The following LIPI variants were observed in gnomAD, a reference collection of about 807,000 sequenced individuals.
LIPI encodes lipase member I.
A neutral mutation model predicts 50.6 loss-of-function variants in LIPI; 59 were observed. The observed-to-expected ratio is 1.16, with a 90% CI of 0.94 to 1.45. The LOEUF is 1.45. Among genes scored for constraint, LIPI ranks in the 40% most tolerant of loss-of-function variants. The pLI is 0.00. For missense variants in LIPI, 586 were observed against 536.3 expected, an observed-to-expected ratio of 1.09 and a Z score of -0.92; for synonymous variants, 203 against 178.2, an observed-to-expected ratio of 1.14 and a Z score of -1.11.
At chr21:14,116,104 G>A (rs558145230) in intron 9 of LIPI, among the ~76,000 whole-genome samples, 27 of 152,208 alleles carry the variant, frequency 1.8e-4, no homozygotes, top group African/African-American at 6.3e-4. Flanking sequence ...AGTGGTGTGT[G>A]TATGTGTGTG....
rs1336499972 is a variant in LIPI, at chr21:14,115,851, G to T, written c.1296-6771C>A. Among the ~76,000 whole-genome samples, 3 of 152,144 alleles carry T rather than the reference G, an allele frequency of 2.0e-5. No individual in the cohort carries two copies. In the East Asian group the frequency reaches 5.8e-4, roughly 29 times the overall value. ...AGGGAACGACCACTTATCCAACCCA[G>T]AGTAGCTGGGTGCAGCAGGAGTGGC... is the stretch of plus-strand genomic sequence containing the variant. On this transcript the variant is annotated intron_variant, in intron 9 of 9. Transcript: ENST00000681601.
In LIPI at chr21:14,165,461, G is replaced by A. The variant is rs546295944; in HGVS notation, c.734-71C>T. 37 of 1,186,964 alleles carry A rather than the reference G, an allele frequency of 3.1e-5. No homozygotes were observed. In the South Asian group the frequency reaches 4.8e-4, roughly 16 times the overall value. The allele number at this position is 1,186,964 out of a possible 1,614,324, so 73.5% of individuals were successfully genotyped here. A position where few individuals can be genotyped will look rare whatever the true frequency, so the allele number is the denominator to read the frequency against. ...ATGTTCAAGTACATTTAAAAACAAA[G>A]TAAAGATGAAGTTTTGCTAAATACT... is the stretch of plus-strand genomic sequence containing the variant. On this transcript the variant is annotated intron_variant, in intron 5 of 9. Coordinates refer to ENST00000681601, the MANE Select transcript of LIPI (RefSeq NM_001302998.2).
At chr21:14,136,048 A>T (rs981948023) in intron 9 of LIPI, among the ~76,000 whole-genome samples, 1 of 152,132 alleles carries the variant, frequency 6.6e-6, no homozygotes, top group East Asian at 1.9e-4. Context: ...CCTAGAAAAC[A>T]TTTCTAGACA....
Position 14,201,612 on chromosome 21 carries a change from A to G in LIPI, c.46+9188T>C, listed in dbSNP as rs541625188. Among the ~76,000 whole-genome samples the G allele has an allele frequency of 3.3e-5, 5 of 152,310 alleles. No homozygotes were observed. The East Asian group carries it at 9.7e-4, about 29-fold the overall frequency. Reference sequence around the variant, plus strand: ...TATGATTATCTCAGTAGATGCAGAAAAGGCCTTTGACAAAATTCAACAACC... The same window carrying G: ...TATGATTATCTCAGTAGATGCAGAAGAGGCCTTTGACAAAATTCAACAACC... On this transcript the variant is annotated intron_variant, in intron 1 of 9. Transcript: ENST00000681601.
intron 6 of LIPI, 90 bp downstream of exon 6, chr21:14,165,133 A>G (rs1310428098): frequency 1.1e-6 from 1 of 936,238 alleles, no homozygotes; most frequent in Non-Finnish European, 1.7e-6. Context: ...AAGTAAACAG[A>G]GTGCACAGTT....
At chr21:14,165,613 ATAAT>A (rs1261690293) in intron 5 of LIPI, among the ~76,000 whole-genome samples, 7 of 152,204 alleles carry the variant, frequency 4.6e-5, no homozygotes, top group African/African-American at 1.2e-4. Flanking sequence ...TTTTAAAGTA[ATAAT>A]TAACATAGCA....
intron 9 of LIPI, among the ~76,000 whole-genome samples, chr21:14,138,023 G>T (rs941999875): frequency 6.6e-6 from 1 of 152,042 alleles, no homozygotes; most frequent in Non-Finnish European, 1.5e-5. Flanking sequence ...TATTTTTCAA[G>T]CATGAAGAAG....
intron 8 of LIPI, among the ~76,000 whole-genome samples, chr21:14,149,936 A>G (rs1450838040): frequency 6.6e-6 from 1 of 152,148 alleles, no homozygotes; most frequent in Non-Finnish European, 1.5e-5. Context: ...CTGTCAGTGG[A>G]TCTACCAATC....
chr21:14,210,008 A>G (rs1193363101), intron 1 of LIPI, among the ~76,000 whole-genome samples: 1 of 152,048 alleles, frequency 6.6e-6, no homozygotes, highest in East Asian at 1.9e-4. Flanking sequence ...TTGAAAACAT[A>G]AGAAATAATG....
At chr21:14,172,416 C>A (rs1156842716) in intron 4 of LIPI, among the ~76,000 whole-genome samples, 1 of 152,086 alleles carries the variant, frequency 6.6e-6, no homozygotes, top group East Asian at 1.9e-4. Flanking sequence ...CACATGCACA[C>A]GTATGTTTAT....
intron 1 of LIPI, among the ~76,000 whole-genome samples, chr21:14,196,340 T>C (rs567648524): frequency 2.1e-4 from 32 of 152,302 alleles, no homozygotes; most frequent in Non-Finnish European, 4.0e-4. Context: ...TAAATTTTCA[T>C]GTATATGAAA....
chr21:14,156,187 T>C (rs923209639), intron 7 of LIPI, among the ~76,000 whole-genome samples: 1 of 151,962 alleles, frequency 6.6e-6, no homozygotes. Context: ...TTATCTTATA[T>C]AGCAAAGGAT....
Position 14,154,291 on chromosome 21 carries a change from T to G in LIPI, c.1007-1607A>C, listed in dbSNP as rs573930124. 1.5e-3 allele frequency among the ~76,000 whole-genome samples: 230 copies of G among 152,256 alleles called. 1 individual carries two copies. The highest frequency in any genetic ancestry group is 5.2e-3 in the African/African-American group (215 of 41,582). ...AACAAGAGAAGTCGTATTTTCAATG[T>G]GCTGAGCATATAAACTTTCAATATA... On this transcript the variant is annotated intron_variant, in intron 7 of 9. Transcript: ENST00000681601.
intron 9 of LIPI, among the ~76,000 whole-genome samples, chr21:14,139,352 A>T (rs929503974): frequency 6.6e-6 from 1 of 152,174 alleles, no homozygotes; most frequent in Non-Finnish European, 1.5e-5. Context: ...CAGTTTGGGA[A>T]GAGATATATT....
intron 9 of LIPI, among the ~76,000 whole-genome samples, chr21:14,122,646 G>T (rs977166684): frequency 6.6e-6 from 1 of 152,144 alleles, no homozygotes; most frequent in African/African-American, 2.4e-5. Flanking sequence ...GACCACACAT[G>T]AATTCAGCCA....
chr21:14,166,264 A>G, intron 5 of LIPI, 98 bp downstream of exon 5: 2 of 794,238 alleles, frequency 2.5e-6, no homozygotes, highest in Non-Finnish European at 4.5e-6. Flanking sequence ...TGATGATGAA[A>G]TCAAAACACT....
In LIPI at chr21:14,189,324, A is replaced by G; in HGVS notation, c.142T>C (p.Tyr48His). The G allele has an allele frequency of 6.2e-7, 1 of 1,613,314 alleles. No homozygotes were observed. The highest frequency in any genetic ancestry group is 2.2e-5 in the East Asian group (1 of 44,862). Residue 48 changes from tyrosine (Y) to histidine (H), a missense_variant, in exon 2 of 10, where the codon TAT becomes CAT. Physicochemically the swap from Tyr to His is moderately conservative, Grantham distance 83. Transcript: ENST00000681601. ...IPRIETILMM[Y>H]TRNNLNCAEP... ...GCACAGTTTAGGTTGTTCCTTGTAT[A>G]CATCATCAGAATGGTCTCTATTCTC...
At chr21:14,206,948 C>T (rs191574955) in intron 1 of LIPI, 1 of 1,432,128 alleles carries the variant, frequency 7.0e-7, no homozygotes, top group East Asian at 2.3e-5. Context: ...CAGAAGTTCA[C>T]TAGCTCTTTG....
At position 14,210,855 on chromosome 21, in the gene LIPI, G is replaced by A. The variant is rs1402310158; in HGVS notation, c.-10C>T. 2.4e-6 allele frequency: 3 copies of A among 1,233,746 alleles called. No homozygotes were observed. Among genetic ancestry groups the A allele is most frequent in the Admixed American group, 2.9e-5 (1 of 34,776 alleles). 76.4% of individuals were successfully genotyped at this position (1,233,746 alleles called of 1,614,324 possible). ...AAATGTATACTCTCATTTGGAATCT[G>A]AGAAAAGCAAAAACAGCACTCAATT... On this transcript the variant is annotated 5_prime_UTR_variant, in exon 1 of 10. Coordinates refer to ENST00000681601, the MANE Select transcript of LIPI (RefSeq NM_001302998.2).
Sources: allele counts gnomAD v4.1 joint callset (sites outside exome capture counted in the v4.1 genomes callset), GRCh38; gene constraint gnomAD v4.1.1; transcripts MANE v1.5; gene names NCBI Gene and HGNC (gene_info 2026-07-23, HGNC 2026-07-21).